Variants in SAMD3 observed in about 807,000 individuals in gnomAD.
SAMD3 encodes the protein sterile alpha motif domain containing 3.
A neutral mutation model predicts 58.5 loss-of-function variants in SAMD3; 63 were observed. That is an observed-to-expected ratio of 1.08 (90% confidence interval 0.88 to 1.33). The LOEUF (loss-of-function observed/expected upper bound fraction) is 1.33, where lower values mean the gene tolerates loss of function less well. SAMD3 is among the 40% of genes most tolerant of loss of function. SAMD3 has a pLI of 0.00. For synonymous variants in SAMD3, 220 were observed against 210.3 expected (o/e 1.05, Z -0.40); for missense variants, 604 against 608.4 (o/e 0.99, Z 0.08).
intron 8 of SAMD3, chr6:130,162,336 G>C (rs1490572766): frequency 5.7e-6 from 4 of 699,766 alleles, no homozygotes; most frequent in Non-Finnish European, 1.0e-5. Flanking sequence ...GAATGAGTCT[G>C]CTTTTGAAGT....
intron 1 of SAMD3, among the ~76,000 whole-genome samples, chr6:130,330,983 T>C (rs1305747700): frequency 6.6e-6 from 1 of 152,230 alleles, no homozygotes; most frequent in African/African-American, 2.4e-5. Flanking sequence ...GCAGAAGTCA[T>C]TTTAAGGGAT....
chr6:130,353,970 T>G (rs1777753178), intron 1 of SAMD3, among the ~76,000 whole-genome samples: 1 of 151,914 alleles, frequency 6.6e-6, no homozygotes, highest in African/African-American at 2.4e-5. Context: ...GTAAACAACT[T>G]TGCAAGAAAA....
At chr6:130,307,894 T>C (rs911167622) in intron 2 of SAMD3, among the ~76,000 whole-genome samples, 2 of 152,222 alleles carry the variant, frequency 1.3e-5, no homozygotes, top group Admixed American at 6.5e-5. Context: ...AGTTTGTGTA[T>C]AGCCAGTTAA....
intron 2 of SAMD3, among the ~76,000 whole-genome samples, chr6:130,303,664 C>T (rs1240604270): frequency 2.0e-5 from 3 of 152,134 alleles, no homozygotes; most frequent in Admixed American, 6.5e-5. Flanking sequence ...ATCTGGAATC[C>T]ATCTGCTTCC....
chr6:130,214,677 C>T, intron 3 of SAMD3, 151 bp from the exon 4 acceptor site: 1 of 539,514 alleles, frequency 1.9e-6, no homozygotes, highest in Non-Finnish European at 3.1e-6. Flanking sequence ...AAAGATAAAA[C>T]TCCAATGTTG....
intron 2 of SAMD3, among the ~76,000 whole-genome samples, chr6:130,241,480 C>A (rs1773357353): frequency 6.6e-6 from 1 of 152,068 alleles, no homozygotes; most frequent in Non-Finnish European, 1.5e-5. Flanking sequence ...TGCCAAAGTG[C>A]TAGGATTACA....
intron 5 of SAMD3, among the ~76,000 whole-genome samples, chr6:130,198,116 T>C (rs1794309504): frequency 6.6e-6 from 1 of 152,164 alleles, no homozygotes. Flanking sequence ...CCATCTCTCT[T>C]CGCTGACTCT....
chr6:130,347,634 C>T (rs1307650911), intron 1 of SAMD3, among the ~76,000 whole-genome samples: 2 of 152,132 alleles, frequency 1.3e-5, no homozygotes, highest in African/African-American at 2.4e-5. Flanking sequence ...GAGAATGGAA[C>T]CAAGTTGGAA....
intron 2 of SAMD3, among the ~76,000 whole-genome samples, chr6:130,235,530 G>A (rs1041705101): frequency 9.2e-5 from 14 of 152,022 alleles, no homozygotes; most frequent in African/African-American, 2.7e-4. Flanking sequence ...ACAAAGTATC[G>A]GCAGTCAAAA....
chr6:130,264,560 A>C (rs1379258233), intron 2 of SAMD3, among the ~76,000 whole-genome samples: 1 of 152,178 alleles, frequency 6.6e-6, no homozygotes, highest in Non-Finnish European at 1.5e-5. Flanking sequence ...AGGTAGAAAA[A>C]ATAAGACATC....
intron 9 of SAMD3, 124 bp from the exon 10 acceptor site, chr6:130,146,305 T>C (rs1029657897): frequency 2.1e-6 from 1 of 473,766 alleles, no homozygotes; most frequent in African/African-American, 2.0e-5. Context: ...CTCAATATTT[T>C]AGAAGTTTTA....
rs56795907 is a variant in SAMD3, at chr6:130,344,825, C to CAAAAAA, written c.-304+20289_-304+20294dup. On this transcript the variant is annotated intron_variant, in intron 1 of 13. Transcript: ENST00000368134. ...AAGGAAGCAGAAAGAACAACAACAG[C>CAAAAAA]AAAAAAAAAAAAAAAAAAAAAAAAA... Among the ~76,000 whole-genome samples, 194 of 41,036 alleles carry CAAAAAA rather than the reference C, an allele frequency of 4.7e-3. 1 individual carries two copies. The highest frequency in any genetic ancestry group is 5.3e-3 in the African/African-American group (50 of 9,452). The allele number at this position is 41,036 out of a possible 152,430, so 26.9% of individuals were successfully genotyped here. A position where few individuals can be genotyped will look rare whatever the true frequency, so the allele number is the denominator to read the frequency against.
Position 130,298,586 on chromosome 6 carries a change from C to A in SAMD3, c.-188+14392G>T, listed in dbSNP as rs561349987. On this transcript the variant is annotated intron_variant, in intron 2 of 13. Coordinates refer to the SAMD3 transcript ENST00000368134. ...GAGAAAAGTTTATAGCACTAAATGC[C>A]GACATCACAAAGAGAGATCTCAAAT... Among the ~76,000 whole-genome samples the A allele has an allele frequency of 2.0e-5, 3 of 152,090 alleles. No homozygotes were observed. In the East Asian group the frequency reaches 5.8e-4, roughly 29 times the overall value.
intron 2 of SAMD3, among the ~76,000 whole-genome samples, chr6:130,268,557 T>C (rs1774442920): frequency 6.6e-6 from 1 of 152,184 alleles, no homozygotes; most frequent in African/African-American, 2.4e-5. Flanking sequence ...CCAGTTAGGG[T>C]AAGTGTCCTA....
chr6:130,281,057 CAAT>C (rs891136718), intron 2 of SAMD3, among the ~76,000 whole-genome samples: 2 of 145,640 alleles, frequency 1.4e-5, no homozygotes, highest in African/African-American at 5.1e-5. Context: ...AGATTAACAA[CAAT>C]AGCTAATAAT....
chr6:130,170,192 T>C (rs1791109085), intron 8 of SAMD3, among the ~76,000 whole-genome samples: 3 of 152,158 alleles, frequency 2.0e-5, no homozygotes, highest in Non-Finnish European at 2.9e-5. Context: ...ATGCTCTCCC[T>C]CCCCTTGTCC....
chr6:130,284,292 T>C (rs1198340742), intron 2 of SAMD3, among the ~76,000 whole-genome samples: 2 of 152,252 alleles, frequency 1.3e-5, no homozygotes, highest in East Asian at 3.8e-4. Flanking sequence ...GTTAGAATTA[T>C]TGATTTCAAT....
chr6:130,242,709 AAGAGCT>A (rs767900482), intron 2 of SAMD3, among the ~76,000 whole-genome samples: 1 of 152,224 alleles, frequency 6.6e-6, no homozygotes, highest in Non-Finnish European at 1.5e-5. Context: ...GGCCTGTCCA[AAGAGCT>A]CTCCCTCTGC....
At chr6:130,252,553 G>A (rs751403559) in intron 2 of SAMD3, among the ~76,000 whole-genome samples, 2 of 152,160 alleles carry the variant, frequency 1.3e-5, no homozygotes, top group African/African-American at 2.4e-5. Context: ...TCTTGCCCTC[G>A]TCTGATTTAA....
Sources: gnomAD v4.1 joint callset for allele counts (sites outside exome capture counted in the v4.1 genomes callset) on GRCh38, gnomAD v4.1.1 for gene constraint, MANE v1.5 for transcripts, NCBI Gene and HGNC (gene_info 2026-07-23, HGNC 2026-07-21) for gene names.